The following MYH16 variants were observed in gnomAD, a reference collection of about 807,000 sequenced individuals.
MYH16 encodes myosin heavy chain 16.
chr7:99,260,469 C>T (rs1791926803), intron 12 of MYH16: 7 of 462,556 alleles, frequency 1.5e-5, no homozygotes, highest in South Asian at 2.2e-5. Context: ...TGACCTCTAG[C>T]TCCCTATCTG....
At chr7:99,247,601 C>T (rs747901279) in exon 3 of MYH16, 17 of 182,710 alleles carry the variant, frequency 9.3e-5, no homozygotes, top group African/African-American at 3.5e-4. Flanking sequence ...CAGACCTACT[C>T]GGGCTTGTTC....
chr7:99,241,535 A>G (rs555991675), intron 1 of MYH16, among the ~76,000 whole-genome samples: 22 of 152,272 alleles, frequency 1.4e-4, no homozygotes, highest in Non-Finnish European at 2.8e-4. Flanking sequence ...GTGAGTTGAG[A>G]TCACGCCACT....
At chr7:99,243,602 G>A (rs1019091830) in intron 2 of MYH16, among the ~76,000 whole-genome samples, 2 of 152,112 alleles carry the variant, frequency 1.3e-5, no homozygotes, top group African/African-American at 4.8e-5. Flanking sequence ...CAAAGCCTTC[G>A]GCATCTCAGT....
At position 99,287,937 on chromosome 7, in the gene MYH16, C is replaced by T. The variant is rs1425101238; in HGVS notation, n.3506C>T. ...GGAGGCTGAGCTGCTGAAGCTGCGG[C>T]GGGAGCTGGAAGAGGCCGCCCTGCA... On this transcript the variant is annotated non_coding_transcript_exon_variant, in exon 29 of 42. Transcript: ENST00000439784. 9 of 456,152 alleles carry T rather than the reference C, an allele frequency of 2.0e-5. 1 individual carries two copies. Among genetic ancestry groups the T allele is most frequent in the African/African-American group, 6.0e-5 (3 of 50,156 alleles). 28.3% of individuals were successfully genotyped at this position (456,152 alleles called of 1,614,324 possible). A position where few individuals can be genotyped will look rare whatever the true frequency, so the allele number is the denominator to read the frequency against.
chr7:99,282,833 A>AG (rs926868652), intron 23 of MYH16, among the ~76,000 whole-genome samples: 13 of 151,876 alleles, frequency 8.6e-5, no homozygotes, highest in African/African-American at 2.9e-4. Flanking sequence ...CTATCTCAAA[A>AG]AAAAAAAAAT....
intron 2 of MYH16, among the ~76,000 whole-genome samples, chr7:99,247,010 T>C (rs1192153867): frequency 1.3e-5 from 2 of 152,194 alleles, no homozygotes; most frequent in Admixed American, 1.3e-4. Context: ...ATTTTCAACA[T>C]ATGATGGGTT....
intron 20 of MYH16, among the ~76,000 whole-genome samples, chr7:99,277,053 G>A (rs1021186978): frequency 1.7e-5 from 2 of 119,218 alleles, no homozygotes; most frequent in Non-Finnish European, 3.0e-5. Context: ...GAGAGAGAGA[G>A]AGACACAGAG....
chr7:99,248,208 TCTC>T (rs1791756603), intron 3 of MYH16, among the ~76,000 whole-genome samples: 1 of 152,084 alleles, frequency 6.6e-6, no homozygotes, highest in Admixed American at 6.5e-5. Flanking sequence ...TTCAGGCAAT[TCTC>T]CTGCCTCAGC....
chr7:99,251,130 G>A (rs935966731), exon 6 of MYH16: 13 of 221,720 alleles, frequency 5.9e-5, no homozygotes, highest in African/African-American at 1.8e-4. Context: ...GGCAAACCCT[G>A]TGCTGGAGGC....
chr7:99,259,226 C>G (rs1490759795), intron 11 of MYH16, among the ~76,000 whole-genome samples: 1 of 152,138 alleles, frequency 6.6e-6, no homozygotes, highest in African/African-American at 2.4e-5. Context: ...GAGAAAGAGA[C>G]AAACTGCCCT....
intron 29 of MYH16, among the ~76,000 whole-genome samples, chr7:99,288,510 G>C (rs1792318578): frequency 6.6e-6 from 1 of 151,340 alleles, no homozygotes; most frequent in South Asian, 2.1e-4. Flanking sequence ...AGCACTTTGG[G>C]AGGCTGAGGC....
At chr7:99,241,304 C>T (rs1241887962) in intron 1 of MYH16, among the ~76,000 whole-genome samples, 1 of 152,202 alleles carries the variant, frequency 6.6e-6, no homozygotes, top group African/African-American at 2.4e-5. Flanking sequence ...AGCTTGAGGC[C>T]AGGCATGGTG....
At chr7:99,241,238 C>T (rs559825443) in intron 1 of MYH16, among the ~76,000 whole-genome samples, 5 of 152,258 alleles carry the variant, frequency 3.3e-5, no homozygotes, top group East Asian at 1.9e-4. Flanking sequence ...AGTGTCTGCA[C>T]GTGGACGAGG....
chr7:99,310,408 A>G (rs1172724706), downstream of MYH16, among the ~76,000 whole-genome samples: 1 of 152,224 alleles, frequency 6.6e-6, no homozygotes, highest in Non-Finnish European at 1.5e-5. Context: ...AGATGGTCAC[A>G]TCACAATAGC....
chr7:99,281,040 C>G (rs1792193133), intron 23 of MYH16, 60 bp downstream of exon 5: 1 of 255,740 alleles, frequency 3.9e-6, no homozygotes, highest in South Asian at 3.2e-5. Context: ...AATGTGCTTT[C>G]CATTGGAGAC....
chr7:99,301,128 G>A (rs913503971), intron 37 of MYH16, among the ~76,000 whole-genome samples: 4 of 150,154 alleles, frequency 2.7e-5, no homozygotes, highest in African/African-American at 9.9e-5. Flanking sequence ...CCGGGAGGCG[G>A]AGATTGTAGT....
At chr7:99,306,312 T>G (rs1463496194) in intron 41 of MYH16, among the ~76,000 whole-genome samples, 1 of 152,034 alleles carries the variant, frequency 6.6e-6, no homozygotes, top group Non-Finnish European at 1.5e-5. Context: ...GTGGATCACC[T>G]GAGGTCAGGA....
At chr7:99,271,081 T>C (rs1433288101) in exon 19 of MYH16, 2 of 152,618 alleles carry the variant, frequency 1.3e-5, no homozygotes, top group African/African-American at 4.8e-5. Context: ...TTCAAGAAGA[T>C]GCTGGAACGA....
chr7:99,250,896 A>G (rs1325421462), intron 5 of MYH16, among the ~76,000 whole-genome samples: 1 of 152,166 alleles, frequency 6.6e-6, no homozygotes, highest in Admixed American at 6.5e-5. Flanking sequence ...ACAGAGGGAC[A>G]GACACTCAGG....
Sources: gnomAD v4.1 joint callset for allele counts (sites outside exome capture counted in the v4.1 genomes callset) on GRCh38, gnomAD v4.1.1 for gene constraint, MANE v1.5 for transcripts, NCBI Gene and HGNC (gene_info 2026-07-23, HGNC 2026-07-21) for gene names.